The following SCNN1B variants were observed in gnomAD, a reference collection of about 807,000 sequenced individuals.
The protein encoded by SCNN1B is epithelial sodium channel subunit beta.
Under a neutral mutation model 65.3 loss-of-function variants are expected in SCNN1B, and 46 were observed. The ratio of observed to expected loss-of-function variants is 0.70; its 90% CI spans 0.56 to 0.90. SCNN1B has a LOEUF of 0.90. SCNN1B is among the 40% of genes least tolerant of loss of function. The pLI is 0.00. For missense variants in SCNN1B, 751 were observed against 830.5 expected, an observed-to-expected ratio of 0.90 and a Z score of 1.18; for synonymous variants, 349 against 330.6, an observed-to-expected ratio of 1.06 and a Z score of -0.60.
At chr16:23,279,142 T>A (rs2141965579) in intron 1 of SCNN1B, among the ~76,000 whole-genome samples, 1 of 151,974 alleles carries the variant, frequency 6.6e-6, no homozygotes, top group Non-Finnish European at 1.5e-5. Flanking sequence ...AGTGGAGCAA[T>A]CTTGGCTCAC....
chr16:23,364,715 G>T (rs1272807709), intron 4 of SCNN1B, among the ~76,000 whole-genome samples: 2 of 152,186 alleles, frequency 1.3e-5, no homozygotes, highest in Non-Finnish European at 2.9e-5. Context: ...TTGGAGCCTG[G>T]CGTGGTGGCT....
At chr16:23,356,348 G>A (rs1423322242) in intron 4 of SCNN1B, among the ~76,000 whole-genome samples, 1 of 152,156 alleles carries the variant, frequency 6.6e-6, no homozygotes, top group African/African-American at 2.4e-5. Flanking sequence ...TATGAGGCTG[G>A]GCGTGGTGGC....
Position 23,380,229 on chromosome 16 carries a change from G to A in SCNN1B, c.1542+60G>A. The A allele has an allele frequency of 6.5e-7, 1 of 1,533,046 alleles. No individual in the cohort carries two copies. The highest frequency in any genetic ancestry group is 1.1e-5 in the South Asian group (1 of 89,412). 95.0% of individuals were successfully genotyped at this position (1,533,046 alleles called of 1,614,324 possible). A position where few individuals can be genotyped will look rare whatever the true frequency, so the allele number is the denominator to read the frequency against. ...CCCTGCCCTGACCCCTGCACCCTGA[G>A]GGTGGGGGAAGGGTTCTGAGCCCTA... On this transcript the variant is annotated intron_variant, in intron 12 of 12. Transcript: ENST00000343070. This position sits in a 1 kb window ranked among gnomAD's most constrained non-coding sequence, Gnocchi z 5.4.
chr16:23,328,059 G>A (rs1256106028), intron 1 of SCNN1B, among the ~76,000 whole-genome samples: 2 of 152,190 alleles, frequency 1.3e-5, no homozygotes, highest in Admixed American at 1.3e-4. Context: ...CTGGGGCCGA[G>A]GGGTCAGTAG....
chr16:23,278,957 A>T (rs1249352166), intron 1 of SCNN1B, among the ~76,000 whole-genome samples: 1 of 151,908 alleles, frequency 6.6e-6, no homozygotes, highest in African/African-American at 2.4e-5. Flanking sequence ...ATAAAAAATG[A>T]AATGAAATGG....
intron 1 of SCNN1B, among the ~76,000 whole-genome samples, chr16:23,325,352 C>T (rs1357372422): frequency 3.3e-5 from 5 of 151,968 alleles, no homozygotes; most frequent in African/African-American, 1.2e-4. Context: ...TTGCAACCTC[C>T]GCCTCCCAGG....
At chr16:23,284,208 C>A (rs564999766) in intron 2 of SCNN1B, among the ~76,000 whole-genome samples, 10 of 152,170 alleles carry the variant, frequency 6.6e-5, no homozygotes, top group African/African-American at 2.2e-4. Flanking sequence ...AGTTCAAGAC[C>A]AGCCTGGCCA....
At chr16:23,333,147 AAAGAAG>A (rs1567300531) in intron 1 of SCNN1B, among the ~76,000 whole-genome samples, 45 of 109,242 alleles carry the variant, frequency 4.1e-4, no homozygotes, top group Non-Finnish European at 7.4e-4. Context: ...GGAAGGAAGG[AAAGAAG>A]GAAGGAAGGA....
chr16:23,278,753 A>AC (rs897525739), intron 1 of SCNN1B, among the ~76,000 whole-genome samples: 30 of 149,972 alleles, frequency 2.0e-4, no homozygotes, highest in Admixed American at 8.0e-4. Flanking sequence ...CAACATAGTG[A>AC]CCCCCCCACC....
intron 1 of SCNN1B, among the ~76,000 whole-genome samples, chr16:23,310,751 AT>A (rs1961323912): frequency 2.0e-5 from 3 of 152,282 alleles, no homozygotes; most frequent in Non-Finnish European, 2.9e-5. Flanking sequence ...AAAGGCTATA[AT>A]TTGGTTGATC....
chr16:23,353,225 T>C, intron 3 of SCNN1B, 151 bp downstream of exon 3: 1 of 961,514 alleles, frequency 1.0e-6, no homozygotes, highest in Non-Finnish European at 1.6e-6. Context: ...TTTTTAAAAA[T>C]AGAAATTTTT....
intron 1 of SCNN1B, among the ~76,000 whole-genome samples, chr16:23,328,758 C>T (rs1010552713): frequency 6.6e-6 from 1 of 152,090 alleles, no homozygotes; most frequent in Admixed American, 6.5e-5. Flanking sequence ...GTTTCGCCAC[C>T]CATGCTATAC....
intron 1 of SCNN1B, among the ~76,000 whole-genome samples, chr16:23,336,428 G>T (rs1343908434): frequency 6.6e-6 from 1 of 150,856 alleles, no homozygotes; most frequent in Non-Finnish European, 1.5e-5. Context: ...CTGGAGTGCA[G>T]GGGCACGATC....
In SCNN1B at chr16:23,381,110, C is replaced by T. The variant is rs1446404461; in HGVS notation, c.*309C>T. The stretch of plus-strand genomic sequence containing the variant: ...ACCCTCTCCTGGTGGCAGGCCACTT[C>T]CCTCCCAGTGCCAGTCTCCATCCAC... On this transcript the variant is annotated 3_prime_UTR_variant, in exon 13 of 13. Coordinates refer to ENST00000343070, the MANE Select transcript of SCNN1B (RefSeq NM_000336.3). 6.8e-6 allele frequency: 3 copies of T among 439,090 alleles called. No homozygotes were observed. The highest frequency in any genetic ancestry group is 3.7e-5 in the Admixed American group (1 of 27,190). 27.2% of individuals were successfully genotyped at this position (439,090 alleles called of 1,614,324 possible).
chr16:23,318,136 T>A (rs1177337996), intron 1 of SCNN1B, among the ~76,000 whole-genome samples: 1 of 152,206 alleles, frequency 6.6e-6, no homozygotes, highest in Non-Finnish European at 1.5e-5. Flanking sequence ...TGGTGGTGGA[T>A]TATTGATTGT....
At chr16:23,307,935 C>T (rs577238772) in intron 1 of SCNN1B, among the ~76,000 whole-genome samples, 1 of 152,276 alleles carries the variant, frequency 6.6e-6, no homozygotes, top group South Asian at 2.1e-4. Context: ...GTCCCAGCTA[C>T]TTGGGAGGCT....
chr16:23,375,749 C>T lies in SCNN1B; in HGVS notation c.1164C>T (p.Arg388=), dbSNP rs1310599823. The change falls in exon 8 of 13, where the codon CGC becomes CGT. Residue 388 remains arginine (R), a synonymous_variant. Transcript: ENST00000343070. The part of the protein sequence containing the change: ...NTTYSIQACL[R]SCFQDHMIRN... ...CCTACCCTCCCCAGGCCTGTCTTCG[C>T]TCCTGCTTCCAAGACCACATGATCC... 1 of 1,613,666 alleles carries T rather than the reference C, an allele frequency of 6.2e-7. No individual in the cohort carries two copies. Among genetic ancestry groups the T allele is most frequent in the African/African-American group, 1.3e-5 (1 of 74,932 alleles).
At chr16:23,343,648 A>AAAGAAAG (rs1567304512) in intron 1 of SCNN1B, among the ~76,000 whole-genome samples, 4 of 116,024 alleles carry the variant, frequency 3.4e-5, no homozygotes, top group Non-Finnish European at 7.3e-5. Context: ...AGAAAGAAAG[A>AAAGAAAG]AAAAAAGAAA....
intron 10 of SCNN1B, among the ~76,000 whole-genome samples, chr16:23,377,886 A>G (rs1962948027): frequency 6.6e-6 from 1 of 152,154 alleles, no homozygotes; most frequent in Admixed American, 6.5e-5. Context: ...TCCTTTTAAT[A>G]GGAGAGGGCC....
Sources: gnomAD v4.1 joint callset for allele counts (sites outside exome capture counted in the v4.1 genomes callset) on GRCh38, gnomAD v4.1.1 for gene constraint, Gnocchi (gnomAD v3.1) non-coding constraint, MANE v1.5 for transcripts, NCBI Gene and HGNC (gene_info 2026-07-23, HGNC 2026-07-21) for gene names.